The following MNT variants were observed in gnomAD, a reference collection of about 807,000 sequenced individuals.
MNT encodes max-binding protein MNT.
A neutral mutation model predicts 40.7 loss-of-function variants in MNT; 13 were observed. The ratio of observed to expected loss-of-function variants is 0.32; its 90% CI spans 0.21 to 0.51. MNT has a LOEUF of 0.51. Ranked by LOEUF, MNT falls within the 20% of genes least tolerant of loss-of-function variation. The pLI is 0.98. For synonymous variants in MNT, 426 were observed against 354.8 expected, an observed-to-expected ratio of 1.20 and a Z score of -2.26; for missense variants, 757 against 792.0, an observed-to-expected ratio of 0.96 and a Z score of 0.53.
intron 4 of MNT, among the ~76,000 whole-genome samples, chr17:2,388,664 C>T (rs1472927945): frequency 1.3e-5 from 2 of 152,136 alleles, no homozygotes; most frequent in Admixed American, 6.5e-5. Context: ...CCCCTCCAGA[C>T]TCCCTGGGCT....
Position 2,386,118 on chromosome 17 carries a change from G to A in MNT, c.*783C>T, listed in dbSNP as rs989519610. The A allele has an allele frequency of 1.3e-5, 2 of 152,334 alleles. No individual in the cohort carries two copies. The highest frequency in any genetic ancestry group is 4.8e-5 in the African/African-American group (2 of 41,470). 9.4% of individuals were successfully genotyped at this position (152,334 alleles called of 1,614,324 possible). ...GACCCAGGCTGCAGGGGACGGGGAAGGGGAAGGACAGCCAAGTCCCTCCTT... is the reference window on the plus strand; with the variant it reads ...GACCCAGGCTGCAGGGGACGGGGAAAGGGAAGGACAGCCAAGTCCCTCCTT... On this transcript the variant is annotated 3_prime_UTR_variant, in exon 6 of 6. Coordinates refer to ENST00000174618, the MANE Select transcript of MNT (RefSeq NM_020310.3).
At chr17:2,399,682 TGAG>T (rs1327401184) in intron 1 of MNT, among the ~76,000 whole-genome samples, 1 of 150,494 alleles carries the variant, frequency 6.6e-6, no homozygotes, top group Admixed American at 6.6e-5. Flanking sequence ...CGCGAGGCGG[TGAG>T]GAGGGGCCGG....
At chr17:2,394,786 C>G in intron 2 of MNT, 89 bp downstream of exon 2, 1 of 923,058 alleles carries the variant, frequency 1.1e-6, no homozygotes, top group Non-Finnish European at 1.7e-6. Context: ...CACTTCTAAG[C>G]TGGGGAGGGC....
chr17:2,393,255 C>A (rs963244084), intron 4 of MNT, among the ~76,000 whole-genome samples: 3 of 151,938 alleles, frequency 2.0e-5, no homozygotes, highest in Admixed American at 1.3e-4. Context: ...GAAGCCCCGC[C>A]GGTTTCCAGG....
intron 1 of MNT, 152 bp from the exon 2 acceptor site, chr17:2,395,606 G>A (rs926957013): frequency 3.6e-5 from 50 of 1,380,988 alleles, no homozygotes; most frequent in South Asian, 2.0e-4. Flanking sequence ...AGCCAGGCAC[G>A]GGGGAAAGTG....
At chr17:2,397,406 T>C (rs2066585493) in intron 1 of MNT, among the ~76,000 whole-genome samples, 1 of 152,154 alleles carries the variant, frequency 6.6e-6, no homozygotes, top group Non-Finnish European at 1.5e-5. Flanking sequence ...TCCATTCCTT[T>C]GGCTGACACA....
At chr17:2,400,553 C>A in intron 1 of MNT, 87 bp downstream of exon 1, 2 of 1,334,506 alleles carry the variant, frequency 1.5e-6, no homozygotes, top group Non-Finnish European at 2.0e-6. Flanking sequence ...GGGAGGGGGC[C>A]CTGTCCGCGG....
At position 2,387,290 on chromosome 17, in the gene MNT, T is replaced by A; in HGVS notation, c.1360A>T (p.Thr454Ser). 6.2e-7 allele frequency: 1 copy of A among 1,613,330 alleles called. No individual in the cohort carries two copies. Among genetic ancestry groups the A allele is most frequent in the Non-Finnish European group, 8.5e-7 (1 of 1,179,788 alleles). The change falls in exon 6 of 6, where the codon ACT becomes TCT. Residue 454 changes from threonine (T) to serine (S), a missense_variant. Transcript: ENST00000174618. ...GGCCCCTGCAGAACGTGGTTCACAGTCTGGATGACTGAAGCGTGAGTGGTG... is the reference window on the plus strand; with the variant it reads ...GGCCCCTGCAGAACGTGGTTCACAGACTGGATGACTGAAGCGTGAGTGGTG... The part of the protein sequence containing the change: ...TATTHASVIQ[T>S]VNHVLQGPGG...
In MNT at chr17:2,386,948, T is replaced by A; in HGVS notation, c.1702A>T (p.Met568Leu). The A allele has an allele frequency of 6.7e-7, 1 of 1,499,424 alleles. No individual in the cohort carries two copies. The highest frequency in any genetic ancestry group is 8.9e-7 in the Non-Finnish European group (1 of 1,122,032). The allele number at this position is 1,499,424 out of a possible 1,614,324, so 92.9% of individuals were successfully genotyped here. Reference protein sequence around the residue: ...VGQTVLNPVTMVTMPSFPVST... With the variant: ...VGQTVLNPVTLVTMPSFPVST... ...ACTGGGAAGGAGGGCATGGTGACCA[T>A]GGTCACAGGGTTGAGCACGGTCTGG... The change falls in exon 6 of 6, where the codon ATG (methionine) becomes TTG (leucine). Residue 568 changes from methionine (M) to leucine (L), a missense_variant. By Grantham distance (15) the Met-to-Leu change is conservative (BLOSUM62 2). This residue lies in a region of MNT where 345 missense variants were observed against 380.1 expected (regional missense o/e 0.91). Coordinates refer to ENST00000174618, the MANE Select transcript of MNT (RefSeq NM_020310.3).
intron 1 of MNT, among the ~76,000 whole-genome samples, chr17:2,399,819 C>G (rs994132979): frequency 1.3e-5 from 2 of 152,068 alleles, no homozygotes; most frequent in Non-Finnish European, 2.9e-5. Flanking sequence ...CAGGCGAGAG[C>G]GGGTTTGGAA....
At chr17:2,389,661 C>T (rs1457670731) in intron 4 of MNT, 1 of 152,484 alleles carries the variant, frequency 6.6e-6, no homozygotes, top group Non-Finnish European at 1.5e-5. Flanking sequence ...CCTCTGTCCC[C>T]TTCTCTCCCT....
chr17:2,386,002 C>A lies in MNT; in HGVS notation c.*899G>T, dbSNP rs889739247. ...CAGGGGCTGAACGCAGGACAGCGCC[C>A]CTCTTTGCTGCCTTCTGGAAGCCAA... is the stretch of plus-strand genomic sequence containing the variant. On this transcript the variant is annotated 3_prime_UTR_variant, in exon 6 of 6. Coordinates refer to ENST00000174618, the MANE Select transcript of MNT (RefSeq NM_020310.3). The A allele has an allele frequency of 6.6e-5, 10 of 152,358 alleles. No homozygotes were observed. Among genetic ancestry groups the A allele is most frequent in the African/African-American group, 2.4e-4 (10 of 41,434 alleles). The allele number at this position is 152,358 out of a possible 1,614,324, so 9.4% of individuals were successfully genotyped here.
chr17:2,394,183 G>C (rs78101376), intron 3 of MNT, 29 bp from the exon 4 acceptor site: 93,331 of 1,605,012 alleles, frequency 0.058, 3,166 homozygotes, highest in African/African-American at 0.13. Flanking sequence ...GCCGGTCAGC[G>C]GTGCCTGGGG....
intron 1 of MNT, among the ~76,000 whole-genome samples, chr17:2,397,198 A>G (rs1597422372): frequency 6.6e-6 from 1 of 152,158 alleles, no homozygotes; most frequent in Admixed American, 6.5e-5. Context: ...GGCCTGCTCC[A>G]GTGCGGGGAG....
intron 1 of MNT, among the ~76,000 whole-genome samples, chr17:2,398,717 C>T (rs2066593508): frequency 6.6e-6 from 1 of 152,220 alleles, no homozygotes; most frequent in South Asian, 2.1e-4. Context: ...TTGATGGCGG[C>T]AGCAGGTGAC....
chr17:2,395,303 T>C lies in MNT; in HGVS notation c.225A>G (p.Ala75=), dbSNP rs1362330774. ...LPLSPPAPPP[A]PPPPLATPAP... ...CAGGGGTGGCAAGTGGTGGTGGGGGTGCCGGCGGGGGAGCCGGTGGAGACA... is the reference window on the plus strand; with the variant it reads ...CAGGGGTGGCAAGTGGTGGTGGGGGCGCCGGCGGGGGAGCCGGTGGAGACA... Residue 75 remains alanine (A), a synonymous_variant, in exon 2 of 6, where the codon GCA becomes GCG. Transcript: ENST00000174618. The C allele has an allele frequency of 7.5e-7, 1 of 1,328,520 alleles. No individual in the cohort carries two copies. Among genetic ancestry groups the C allele is most frequent in the Non-Finnish European group, 1.0e-6 (1 of 991,164 alleles). 82.3% of individuals were successfully genotyped at this position (1,328,520 alleles called of 1,614,324 possible).
In MNT at chr17:2,395,472, A is replaced by G; in HGVS notation, c.74-18T>C. The G allele has an allele frequency of 1.2e-6, 2 of 1,606,108 alleles. No homozygotes were observed. The highest frequency in any genetic ancestry group is 1.7e-6 in the Non-Finnish European group (2 of 1,178,004). ...CTGCTCCTCTACACAGAGAGAACACAAGGGGGGGAGGGTCTCAGCGGGGCC... is the reference window on the plus strand; with the variant it reads ...CTGCTCCTCTACACAGAGAGAACACGAGGGGGGGAGGGTCTCAGCGGGGCC... On this transcript the variant is annotated intron_variant, in intron 1 of 5. Transcript: ENST00000174618.
At chr17:2,400,402 C>G (rs909856767) in intron 1 of MNT, 1 of 433,152 alleles carries the variant, frequency 2.3e-6, no homozygotes, top group South Asian at 3.0e-5. Context: ...GGGTGCCACG[C>G]AGCCGGGGTG....
chr17:2,393,577 C>G (rs2066544351), intron 4 of MNT, among the ~76,000 whole-genome samples: 1 of 152,222 alleles, frequency 6.6e-6, no homozygotes, highest in Non-Finnish European at 1.5e-5. Flanking sequence ...GGGGCTCGGC[C>G]CGCGCCGCAG....
Sources: allele counts gnomAD v4.1 joint callset (sites outside exome capture counted in the v4.1 genomes callset), GRCh38; gene constraint gnomAD v4.1.1; regional missense constraint gnomAD v4.1.1; transcripts MANE v1.5; gene names NCBI Gene and HGNC (gene_info 2026-07-23, HGNC 2026-07-21).